The following RPE variants were observed in gnomAD, a reference collection of about 807,000 sequenced individuals.
The protein encoded by RPE is ribulose-phosphate 3-epimerase.
Under a neutral mutation model 24.6 loss-of-function variants are expected in RPE, and 16 were observed. The ratio of observed to expected loss-of-function variants is 0.65; its 90% CI spans 0.44 to 0.99. RPE has a LOEUF of 0.99. Among genes scored for constraint, RPE ranks in the 50% least tolerant of loss-of-function variants. The pLI is 0.00. For synonymous variants in RPE, 93 were observed against 98.4 expected (o/e 0.94, Z 0.33); for missense variants, 240 against 294.5 (o/e 0.81, Z 1.35).
In RPE at chr2:210,020,013, A is replaced by C. The variant is rs1288619946; in HGVS notation, c.*222A>C. The C allele has an allele frequency of 2.5e-6, 1 of 403,390 alleles. No homozygotes were observed. Among genetic ancestry groups the C allele is most frequent in the East Asian group, 4.6e-5 (1 of 21,536 alleles). The allele number at this position is 403,390 out of a possible 1,614,324, so 25.0% of individuals were successfully genotyped here. A position where few individuals can be genotyped will look rare whatever the true frequency, so the allele number is the denominator to read the frequency against. Reference sequence around the variant, plus strand: ...CAATTTATTGATTAGTGAGTAAGATACTGTTTTTATTGAGAGATTTGATTT... The same window carrying C: ...CAATTTATTGATTAGTGAGTAAGATCCTGTTTTTATTGAGAGATTTGATTT... On this transcript the variant is annotated 3_prime_UTR_variant, in exon 6 of 6. Coordinates refer to ENST00000359429, the MANE Select transcript of RPE (RefSeq NM_199229.3).
intron 1 of RPE, among the ~76,000 whole-genome samples, chr2:210,006,462 T>C (rs187530712): frequency 6.6e-6 from 1 of 152,224 alleles, no homozygotes; most frequent in Non-Finnish European, 1.5e-5. Flanking sequence ...GTGAACCTAG[T>C]GCATTGAATT....
At chr2:210,004,179 A>G (rs139810578) in intron 1 of RPE, among the ~76,000 whole-genome samples, 28 of 152,328 alleles carry the variant, frequency 1.8e-4, no homozygotes, top group Middle Eastern at 3.4e-3. Context: ...TGGAACAGCT[A>G]TGTGTATATT....
intron 1 of RPE, among the ~76,000 whole-genome samples, chr2:210,007,325 T>C (rs78500654): frequency 0.017 from 2,518 of 152,342 alleles, 77 homozygotes; most frequent in African/African-American, 0.057. Flanking sequence ...CCTAATCATT[T>C]AACAGATCCA....
At chr2:210,014,545 C>T (rs1311644757) in intron 2 of RPE, among the ~76,000 whole-genome samples, 2 of 152,044 alleles carry the variant, frequency 1.3e-5, no homozygotes, top group Admixed American at 1.3e-4. Flanking sequence ...ATAATCCCTG[C>T]ACTTCGGGAA....
At chr2:210,010,616 A>T (rs1021430080) in intron 2 of RPE, among the ~76,000 whole-genome samples, 9 of 152,130 alleles carry the variant, frequency 5.9e-5, no homozygotes, top group Non-Finnish European at 1.2e-4. Flanking sequence ...GATTCTTTTT[A>T]ATCAGCATAT....
chr2:210,003,332 A>G lies in RPE; in HGVS notation c.122+549A>G, dbSNP rs1026295726. 1.4e-5 allele frequency: 7 copies of G among 502,522 alleles called. No individual in the cohort carries two copies. The Admixed American group carries it at 2.3e-4, about 16-fold the overall frequency. The allele number at this position is 502,522 out of a possible 1,614,324, so 31.1% of individuals were successfully genotyped here. ...CTTAGGCATCTTGGAAGATGAAATG[A>G]GCGAGTACATGAGAAGTTTACAGTG... On this transcript the variant is annotated intron_variant, in intron 1 of 5. Coordinates refer to ENST00000359429, the MANE Select transcript of RPE (RefSeq NM_199229.3).
intron 1 of RPE, among the ~76,000 whole-genome samples, chr2:210,008,590 G>A (rs1389361467): frequency 1.2e-4 from 2 of 17,196 alleles, no homozygotes; most frequent in Non-Finnish European, 8.5e-3. Context: ...ACCATGCCCG[G>A]CCCCGGTTTT....
chr2:210,004,158 G>A (rs2093599837), intron 1 of RPE, among the ~76,000 whole-genome samples: 1 of 152,196 alleles, frequency 6.6e-6, no homozygotes, highest in Non-Finnish European at 1.5e-5. Flanking sequence ...AATACCTAGA[G>A]GGTCACAGGA....
chr2:210,014,470 T>A (rs2125078652), intron 2 of RPE, among the ~76,000 whole-genome samples: 1 of 152,290 alleles, frequency 6.6e-6, no homozygotes, highest in South Asian at 2.1e-4. Flanking sequence ...ATACATTTTT[T>A]TAAGAATAAA....
chr2:210,016,173 A>C (rs572309906), intron 3 of RPE, 61 bp downstream of exon 3: 5 of 1,613,822 alleles, frequency 3.1e-6, no homozygotes, highest in Admixed American at 1.7e-5. Flanking sequence ...GATTTGCGGG[A>C]AACAGGAAAT....
intron 5 of RPE, 41 bp from the exon 6 acceptor site, chr2:210,019,628 A>G (rs991443007): frequency 1.9e-6 from 3 of 1,597,060 alleles, no homozygotes; most frequent in South Asian, 1.1e-5. Context: ...GTTTTTCTAC[A>G]TTTTCCTTTG....
chr2:210,004,811 C>T (rs1406687765), intron 1 of RPE, among the ~76,000 whole-genome samples: 2 of 152,108 alleles, frequency 1.3e-5, no homozygotes, highest in East Asian at 3.9e-4. Context: ...CTTTTGTCCC[C>T]TTGCAGCTCT....
chr2:210,003,432 C>T (rs1459588482), intron 1 of RPE: 1 of 1,286,676 alleles, frequency 7.8e-7, no homozygotes, highest in Non-Finnish European at 1.0e-6. Context: ...TCTATTTTCT[C>T]TTCAGGCACC....
At chr2:210,007,345 G>A (rs1468847878) in intron 1 of RPE, among the ~76,000 whole-genome samples, 1 of 152,102 alleles carries the variant, frequency 6.6e-6, no homozygotes, top group African/African-American at 2.4e-5. Context: ...AATCAGTTTT[G>A]CCTGTCTTGT....
In RPE at chr2:210,002,710, G is replaced by A. The variant is rs773857359; in HGVS notation, c.49G>A (p.Ala17Thr). ...CCCGTCCATCCTCAACAGCGACCTG[G>A]CCAATTTAGGGGCCGAGTGCCTCCG... ...IGPSILNSDL[A>T]NLGAECLRML... Residue 17 changes from alanine to threonine, a missense_variant, in exon 1 of 6, where the codon GCC (alanine) becomes ACC (threonine). Transcript: ENST00000359429. 1.9e-6 allele frequency: 3 copies of A among 1,614,090 alleles called. No homozygotes were observed. The highest frequency in any genetic ancestry group is 2.5e-6 in the Non-Finnish European group (3 of 1,180,024).
At chr2:210,008,983 A>ATT (rs1431086025) in intron 1 of RPE, among the ~76,000 whole-genome samples, 2 of 152,234 alleles carry the variant, frequency 1.3e-5, no homozygotes, top group Non-Finnish European at 2.9e-5. Flanking sequence ...GGCGTGAGCC[A>ATT]CTGTGCCTGG....
intron 2 of RPE, among the ~76,000 whole-genome samples, chr2:210,010,717 T>G: frequency 6.6e-6 from 1 of 152,186 alleles, no homozygotes; most frequent in East Asian, 1.9e-4. Context: ...CTTAAGTTCA[T>G]GACCAGAATG....
Position 210,005,627 on chromosome 2 carries a change from T to TG in RPE, c.122+2849dup, listed in dbSNP as rs935804682. On this transcript the variant is annotated intron_variant, in intron 1 of 5. Transcript: ENST00000359429. Reference sequence around the variant, plus strand: ...ACATTAATACTGCATTTCTGACTTTTGGGGGAAAAAAAAAAACAGTTCAAA... The same window carrying TG: ...ACATTAATACTGCATTTCTGACTTTTGGGGGGAAAAAAAAAAACAGTTCAAA... 2.6e-5 allele frequency among the ~76,000 whole-genome samples: 4 copies of TG among 151,472 alleles called. No individual in the cohort carries two copies. In the East Asian group the frequency reaches 5.8e-4, roughly 22 times the overall value.
At chr2:210,002,869 T>G (rs560103307) in intron 1 of RPE, 86 bp downstream of exon 1, 1 of 1,608,370 alleles carries the variant, frequency 6.2e-7, no homozygotes, top group East Asian at 2.2e-5. Context: ...ATGTACCGCG[T>G]CCCTGTACCA....
Sources: gnomAD v4.1 joint callset for allele counts (sites outside exome capture counted in the v4.1 genomes callset) on GRCh38, gnomAD v4.1.1 for gene constraint, MANE v1.5 for transcripts, NCBI Gene and HGNC (gene_info 2026-07-23, HGNC 2026-07-21) for gene names.